HEATR5B: variants seen among roughly 807,000 people sequenced by gnomAD.
The protein encoded by HEATR5B is HEAT repeat containing 5B, also known as HEAT repeat-containing protein 5B.
In HEATR5B, 156 loss-of-function variants were observed where a neutral mutation model predicts 224.1. The ratio of observed to expected loss-of-function variants is 0.70; its 90% confidence interval spans 0.61 to 0.80. The LOEUF (loss-of-function observed/expected upper bound fraction) is 0.80, where lower values mean the gene tolerates loss of function less well. Ranked by LOEUF, HEATR5B falls within the 30% of genes least tolerant of loss-of-function variation. The probability of loss-of-function intolerance (pLI) is 0.00; values close to 1 mark genes in which losing one functional copy is unlikely to be tolerated. For missense variants in HEATR5B, 2,323 were observed against 2,535.5 expected, an observed-to-expected ratio of 0.92 and a Z score of 1.80; for synonymous variants, 1,027 against 893.0, an observed-to-expected ratio of 1.15 and a Z score of -2.68.
chr2:37,077,995 T>C lies in HEATR5B; in HGVS notation c.339-976A>G, dbSNP rs574602776. On this transcript the variant is annotated intron_variant, in intron 3 of 35. Transcript: ENST00000233099. ...GTCACTTAGGTCAATAGTAAGTGAA[T>C]AGCTGTGGGTTTAGCTTAAAGGCAA... is the stretch of plus-strand genomic sequence containing the variant. Among the ~76,000 whole-genome samples the C allele has an allele frequency of 1.1e-4, 16 of 152,334 alleles. No individual in the cohort carries two copies. In the South Asian group the frequency reaches 3.1e-3, roughly 30 times the overall value.
intron 2 of HEATR5B, among the ~76,000 whole-genome samples, chr2:37,081,226 G>T (rs1672544921): frequency 6.7e-6 from 1 of 148,578 alleles, no homozygotes; most frequent in Admixed American, 6.7e-5. Flanking sequence ...TCCATGCATT[G>T]TTTTTTTTTT....
intron 33 of HEATR5B, among the ~76,000 whole-genome samples, chr2:36,992,241 G>A (rs1323263944): frequency 6.6e-6 from 1 of 151,458 alleles, no homozygotes; most frequent in Non-Finnish European, 1.5e-5. Context: ...TGTAAAATTT[G>A]AAGGATTTAA....
chr2:37,083,349 T>C lies in HEATR5B; in HGVS notation c.66A>G (p.Arg22=). ...GCAACCATTCAAAGATGAAAACTGGTCTTTTTGCTTCGGTGATTTGAGCCA... is the reference window on the plus strand; with the variant it reads ...GCAACCATTCAAAGATGAAAACTGGCCTTTTTGCTTCGGTGATTTGAGCCA... ...EALAQITEAK[R]PVFIFEWLRF... is the part of the protein sequence containing the mutation. Residue 22 remains arginine (R), a synonymous_variant, in exon 2 of 36, where the codon AGA becomes AGG. Coordinates refer to ENST00000233099, the MANE Select transcript of HEATR5B (RefSeq NM_019024.3). 1 of 1,613,994 alleles carries C rather than the reference T, an allele frequency of 6.2e-7. No homozygotes were observed. The highest frequency in any genetic ancestry group is 8.5e-7 in the Non-Finnish European group (1 of 1,179,858).
At chr2:36,984,925 G>A (rs1023939163) in intron 35 of HEATR5B, among the ~76,000 whole-genome samples, 7 of 152,140 alleles carry the variant, frequency 4.6e-5, no homozygotes, top group Non-Finnish European at 1.0e-4. Context: ...AGAAATTTCA[G>A]AAAGAAATGG....
chr2:37,077,074 C>G lies in HEATR5B; in HGVS notation c.339-55G>C, dbSNP rs1000586254. ...TGTCCAGGTTAATGATACAATTATA[C>G]TTTTCTCATTTTTAGAAATCAATTT... is the stretch of plus-strand genomic sequence containing the variant. On this transcript the variant is annotated intron_variant, in intron 3 of 35. Transcript: ENST00000233099. 3 of 1,387,474 alleles carry G rather than the reference C, an allele frequency of 2.2e-6. No homozygotes were observed. In the African/African-American group the frequency reaches 4.3e-5, roughly 20 times the overall value. The allele number at this position is 1,387,474 out of a possible 1,614,324, so 85.9% of individuals were successfully genotyped here.
intron 20 of HEATR5B, 127 bp from the exon 21 acceptor site, chr2:37,038,151 T>C (rs901444469): frequency 3.1e-6 from 2 of 645,716 alleles, no homozygotes; most frequent in African/African-American, 3.8e-5. Flanking sequence ...TTTTTGCTGT[T>C]GTTTTTGAGA....
At chr2:36,988,078 GA>G (rs1039216321) in intron 35 of HEATR5B, among the ~76,000 whole-genome samples, 1 of 142,830 alleles carries the variant, frequency 7.0e-6, no homozygotes, top group South Asian at 2.2e-4. Flanking sequence ...TAAAAAAAAA[GA>G]AAAAAAAACC....
intron 26 of HEATR5B, 50 bp from the exon 27 acceptor site, chr2:37,014,070 A>G (rs368595570): frequency 5.5e-6 from 6 of 1,095,416 alleles, no homozygotes; most frequent in Non-Finnish European, 7.7e-6. Flanking sequence ...TTAATGCTGT[A>G]TAAGAAAATG....
chr2:37,057,572 G>C (rs1380352028), intron 14 of HEATR5B, 92 bp from the exon 15 acceptor site: 1 of 767,520 alleles, frequency 1.3e-6, no homozygotes, highest in Non-Finnish European at 2.0e-6. Context: ...TGTTCAACAG[G>C]AATAAAATAA....
chr2:36,981,900 C>T, intron 35 of HEATR5B, 106 bp from the exon 36 acceptor site: 1 of 739,274 alleles, frequency 1.4e-6, no homozygotes, highest in Non-Finnish European at 2.2e-6. Flanking sequence ...AATATAAGTA[C>T]ACATGCACAG....
intron 35 of HEATR5B, among the ~76,000 whole-genome samples, chr2:36,984,073 G>A (rs1436614687): frequency 4.0e-5 from 6 of 148,830 alleles, no homozygotes; most frequent in East Asian, 4.0e-4. Flanking sequence ...GGTGGCAGGC[G>A]CCTGTAATCC....
chr2:36,998,291 A>C (rs1426597615), intron 33 of HEATR5B, among the ~76,000 whole-genome samples: 1 of 152,262 alleles, frequency 6.6e-6, no homozygotes, highest in Non-Finnish European at 1.5e-5. Context: ...AATTAAACAT[A>C]GACATGAAAA....
At chr2:37,020,462 G>A (rs1345956293) in intron 25 of HEATR5B, among the ~76,000 whole-genome samples, 193 bp downstream of exon 25, 1 of 152,138 alleles carries the variant, frequency 6.6e-6, no homozygotes, top group Non-Finnish European at 1.5e-5. Context: ...TAAAAATAGT[G>A]ACAACAGCTT....
At chr2:37,046,898 G>C (rs532012438) in intron 18 of HEATR5B, among the ~76,000 whole-genome samples, 4 of 149,642 alleles carry the variant, frequency 2.7e-5, no homozygotes, top group South Asian at 4.2e-4. Flanking sequence ...AAAAATACAA[G>C]AATTAGCTGG....
intron 6 of HEATR5B, among the ~76,000 whole-genome samples, chr2:37,070,626 T>G (rs549123941): frequency 6.6e-6 from 1 of 152,162 alleles, no homozygotes; most frequent in African/African-American, 2.4e-5. Context: ...CTACGCAAAA[T>G]AGTCTAATAA....
intron 22 of HEATR5B, 121 bp from the exon 23 acceptor site, chr2:37,029,041 T>C (rs1248047726): frequency 3.3e-6 from 3 of 904,900 alleles, no homozygotes; most frequent in African/African-American, 1.7e-5. Flanking sequence ...CAGCTAGCTA[T>C]ATACAATTTA....
At chr2:37,061,034 A>G (rs1236504110) in intron 11 of HEATR5B, among the ~76,000 whole-genome samples, 3 of 152,186 alleles carry the variant, frequency 2.0e-5, no homozygotes, top group Admixed American at 2.0e-4. Flanking sequence ...GGATAACCCA[A>G]CTGTATTGAG....
chr2:37,076,800 T>C, intron 4 of HEATR5B, 111 bp downstream of exon 4: 2 of 738,754 alleles, frequency 2.7e-6, no homozygotes, highest in Non-Finnish European at 4.6e-6. Flanking sequence ...AATTACCTCC[T>C]TGCTAAGCAA....
chr2:37,047,688 T>C (rs1670289155), intron 18 of HEATR5B, among the ~76,000 whole-genome samples: 1 of 152,218 alleles, frequency 6.6e-6, no homozygotes, highest in Non-Finnish European at 1.5e-5. Flanking sequence ...AATTTCTGTC[T>C]TAATGCTAAG....
Sources: gnomAD v4.1 joint callset for allele counts (sites outside exome capture counted in the v4.1 genomes callset) on GRCh38, gnomAD v4.1.1 for gene constraint, MANE v1.5 for transcripts, NCBI Gene and HGNC (gene_info 2026-07-23, HGNC 2026-07-21) for gene names.